KLHL32: variants seen among roughly 807,000 people sequenced by gnomAD.
The protein encoded by KLHL32 is kelch like family member 32.
In KLHL32, 35 loss-of-function variants were observed where a neutral mutation model predicts 64.8. The observed-to-expected ratio is 0.54, with a 90% CI of 0.41 to 0.72. The LOEUF is 0.72. Among genes scored for constraint, KLHL32 ranks in the 30% least tolerant of loss-of-function variants. The pLI is 0.00. For synonymous variants in KLHL32, 259 were observed against 281.0 expected (o/e 0.92, Z 0.78); for missense variants, 589 against 768.5 (o/e 0.77, Z 2.76).
chr6:96,920,031 G>A (rs538048731), upstream of KLHL32, among the ~76,000 whole-genome samples: 3 of 152,304 alleles, frequency 2.0e-5, no homozygotes, highest in South Asian at 6.2e-4. Flanking sequence ...GAAAGGCAGG[G>A]TCTATTTACA....
At chr6:96,964,449 C>A (rs1402152454) in intron 1 of KLHL32, among the ~76,000 whole-genome samples, 1 of 152,154 alleles carries the variant, frequency 6.6e-6, no homozygotes, top group Non-Finnish European at 1.5e-5. Context: ...GTCAGGAGAT[C>A]GAGACCATCC....
intron 3 of KLHL32, among the ~76,000 whole-genome samples, chr6:97,023,584 G>A (rs527659864): frequency 2.0e-5 from 3 of 152,180 alleles, no homozygotes; most frequent in Admixed American, 6.5e-5. Context: ...AGGGCAACAA[G>A]GATTGTACCC....
chr6:96,971,687 A>G (rs1246967168), intron 2 of KLHL32, among the ~76,000 whole-genome samples: 1 of 152,144 alleles, frequency 6.6e-6, no homozygotes, highest in Non-Finnish European at 1.5e-5. Context: ...AGCAGTTCGC[A>G]CAGGCAGCCT....
At chr6:96,931,429 G>A (rs1769875310) in intron 1 of KLHL32, among the ~76,000 whole-genome samples, 2 of 152,278 alleles carry the variant, frequency 1.3e-5, no homozygotes, top group Admixed American at 1.3e-4. Flanking sequence ...AAGTTAGCCT[G>A]AGCAGTATAT....
chr6:97,063,314 G>C (rs759864983), intron 4 of KLHL32, among the ~76,000 whole-genome samples: 2 of 152,140 alleles, frequency 1.3e-5, no homozygotes, highest in Non-Finnish European at 2.9e-5. Context: ...TGATGGATTC[G>C]ATATAAGGCC....
At chr6:97,071,940 A>T (rs1790801379) in intron 5 of KLHL32, among the ~76,000 whole-genome samples, 1 of 152,152 alleles carries the variant, frequency 6.6e-6, no homozygotes, top group Non-Finnish European at 1.5e-5. Context: ...CTAAAATCCA[A>T]GCTAGCTTTC....
At chr6:96,911,269 G>T in the KLHL32 span, among the ~76,000 whole-genome samples, 1 of 152,214 alleles carries the variant, frequency 6.6e-6, no homozygotes, top group South Asian at 2.1e-4. Flanking sequence ...AAATCTTGAC[G>T]TCTCTTGCGA....
intron 6 of KLHL32, 61 bp from the exon 7 acceptor site, chr6:97,113,722 G>T: frequency 6.4e-7 from 1 of 1,569,276 alleles, no homozygotes; most frequent in South Asian, 1.2e-5. Flanking sequence ...CCTATATGCT[G>T]TTGCTTTCTC....
chr6:97,020,521 G>A (rs1781844581), intron 3 of KLHL32, among the ~76,000 whole-genome samples: 1 of 150,482 alleles, frequency 6.6e-6, no homozygotes, highest in African/African-American at 2.5e-5. Context: ...TTTCCTACTA[G>A]TACTATCAAC....
At chr6:97,071,145 C>A (rs565005296) in intron 5 of KLHL32, among the ~76,000 whole-genome samples, 210 of 152,224 alleles carry the variant, frequency 1.4e-3, no homozygotes, top group African/African-American at 4.7e-3. Context: ...CCTCACTACC[C>A]AACTGTACCC....
chr6:97,071,770 C>T (rs1228653209), intron 5 of KLHL32, among the ~76,000 whole-genome samples: 1 of 152,126 alleles, frequency 6.6e-6, no homozygotes, highest in Non-Finnish European at 1.5e-5. Flanking sequence ...AGATATGCTA[C>T]CTTCTCTTTC....
At chr6:96,975,272 A>G (rs1775567029) in intron 2 of KLHL32, among the ~76,000 whole-genome samples, 1 of 152,272 alleles carries the variant, frequency 6.6e-6, no homozygotes, top group Admixed American at 6.5e-5. Context: ...AGAAAATTAT[A>G]TAGTCATTCA....
chr6:96,999,388 T>C (rs1201456747), intron 3 of KLHL32: 1 of 249,562 alleles, frequency 4.0e-6, no homozygotes, highest in Admixed American at 6.5e-5. Flanking sequence ...AGAGTAAGAC[T>C]CTGTCTCAAC....
At chr6:97,025,860 T>C (rs1782651612) in intron 3 of KLHL32, among the ~76,000 whole-genome samples, 1 of 152,214 alleles carries the variant, frequency 6.6e-6, no homozygotes, top group Non-Finnish European at 1.5e-5. Context: ...AATAAAACTT[T>C]AATTCAAGTA....
intron 3 of KLHL32, among the ~76,000 whole-genome samples, chr6:97,012,789 TC>T (rs1780581204): frequency 6.6e-6 from 1 of 152,198 alleles, no homozygotes; most frequent in Non-Finnish European, 1.5e-5. Flanking sequence ...ATGAGGGTTC[TC>T]ATATAAGAAG....
intron 1 of KLHL32, among the ~76,000 whole-genome samples, chr6:96,943,279 G>A (rs1177962452): frequency 1.3e-5 from 2 of 151,836 alleles, no homozygotes; most frequent in African/African-American, 2.4e-5. Flanking sequence ...GGTAAATGCA[G>A]AGTTCATATT....
chr6:96,992,158 G>A (rs1370896602), intron 3 of KLHL32, among the ~76,000 whole-genome samples: 1 of 152,228 alleles, frequency 6.6e-6, no homozygotes, highest in African/African-American at 2.4e-5. Flanking sequence ...TGGTGGGCCT[G>A]TGCGGGAGCC....
intron 6 of KLHL32, among the ~76,000 whole-genome samples, chr6:97,093,495 A>C (rs1466096531): frequency 6.6e-6 from 1 of 152,236 alleles, no homozygotes; most frequent in African/African-American, 2.4e-5. Context: ...ACTCTTTAAG[A>C]AAACAGAAAC....
chr6:97,007,660 T>C (rs995610200), intron 3 of KLHL32, among the ~76,000 whole-genome samples: 23 of 152,154 alleles, frequency 1.5e-4, no homozygotes, highest in Non-Finnish European at 3.1e-4. Flanking sequence ...TGAGGTTTTT[T>C]GCTTTTTCAT....
Sources: allele counts gnomAD v4.1 joint callset (sites outside exome capture counted in the v4.1 genomes callset), GRCh38; gene constraint gnomAD v4.1.1; transcripts MANE v1.5; gene names NCBI Gene and HGNC (gene_info 2026-07-23, HGNC 2026-07-21).